SF3B3: variants seen among roughly 807,000 people sequenced by gnomAD.
SF3B3 encodes SAP 130.
A neutral mutation model predicts 139.2 loss-of-function variants in SF3B3; 33 were observed. The observed-to-expected ratio is 0.24, with a 90% CI of 0.18 to 0.32. SF3B3 has a LOEUF of 0.32. SF3B3 is among the 10% of genes least tolerant of loss of function. The pLI, the probability that SF3B3 is intolerant of heterozygous loss-of-function variation, is 1.00. For synonymous variants in SF3B3, 596 were observed against 563.6 expected, an observed-to-expected ratio of 1.06 and a Z score of -0.81; for missense variants, 818 against 1,509.4, an observed-to-expected ratio of 0.54 and a Z score of 7.59.
At chr16:70,525,336 A>T (rs994927947) in intron 1 of SF3B3, among the ~76,000 whole-genome samples, 1 of 152,092 alleles carries the variant, frequency 6.6e-6, no homozygotes, top group African/African-American at 2.4e-5. Context: ...GGCCTCGTAT[A>T]TAGTTTTTCT....
At chr16:70,560,169 A>G (rs1465182580) in intron 15 of SF3B3, among the ~76,000 whole-genome samples, 1 of 152,174 alleles carries the variant, frequency 6.6e-6, no homozygotes, top group Non-Finnish European at 1.5e-5. Flanking sequence ...TTAATTATTT[A>G]TTTGAAATAT....
Position 70,556,496 on chromosome 16 carries a change from C to G in SF3B3, c.1866+162C>G, listed in dbSNP as rs2050380776. ...CTTCTCTTGTCATTGCAGTGTGTTT[C>G]AGGAGTTTCCTGCTGTGGTTTAAGG... On this transcript the variant is annotated intron_variant, in intron 14 of 25. Transcript: ENST00000302516. 3 of 734,034 alleles carry G rather than the reference C, an allele frequency of 4.1e-6. No individual in the cohort carries two copies. In the South Asian group the frequency reaches 5.4e-5, roughly 13 times the overall value. 45.5% of individuals were successfully genotyped at this position (734,034 alleles called of 1,614,324 possible).
intron 14 of SF3B3, 104 bp from the exon 15 acceptor site, chr16:70,556,782 C>A: frequency 2.3e-6 from 3 of 1,310,308 alleles, no homozygotes; most frequent in Non-Finnish European, 3.2e-6. Context: ...TTTTTCTGTG[C>A]ATAAGGAAGT....
intron 8 of SF3B3, among the ~76,000 whole-genome samples, chr16:70,541,238 A>G (rs1240682796): frequency 6.6e-6 from 1 of 152,096 alleles, no homozygotes; most frequent in Non-Finnish European, 1.5e-5. Context: ...CCATTTGTGT[A>G]TCTTTGGAGA....
intron 10 of SF3B3, among the ~76,000 whole-genome samples, chr16:70,545,661 T>A (rs2050261377): frequency 6.6e-6 from 1 of 152,196 alleles, no homozygotes; most frequent in Admixed American, 6.5e-5. Flanking sequence ...TGTAAATTTT[T>A]ATTGGAACAC....
intron 4 of SF3B3, among the ~76,000 whole-genome samples, chr16:70,531,570 G>T (rs978878716): frequency 1.3e-5 from 2 of 152,144 alleles, no homozygotes; most frequent in African/African-American, 2.4e-5. Flanking sequence ...CCTCACCCAG[G>T]CCCAGCCCCT....
rs985887795 is a variant in SF3B3 at position 70,530,990 on chromosome 16, G to A, written c.570+73G>A. On this transcript the variant is annotated intron_variant, in intron 4 of 25. Transcript: ENST00000302516. Reference sequence around the variant, plus strand: ...TTTTTTTTAAGATTGTTTTCCGGCCGGGCGTGGTGGCTCACGCCTGTAATC... The same window carrying A: ...TTTTTTTTAAGATTGTTTTCCGGCCAGGCGTGGTGGCTCACGCCTGTAATC... 7.5e-5 allele frequency: 105 copies of A among 1,398,474 alleles called. 1 individual carries two copies. Among genetic ancestry groups the A allele is most frequent in the South Asian group, 3.5e-4 (26 of 74,060 alleles). The allele number at this position is 1,398,474 out of a possible 1,614,324, so 86.6% of individuals were successfully genotyped here.
At position 70,571,207 on chromosome 16, in the gene SF3B3, G is replaced by A. The variant is rs375386122; in HGVS notation, c.3513+8G>A. 12 of 1,581,738 alleles carry A rather than the reference G, an allele frequency of 7.6e-6. No homozygotes were observed. The highest frequency in any genetic ancestry group is 1.0e-5 in the Non-Finnish European group (12 of 1,150,436). On this transcript the variant is annotated splice_region_variant and intron_variant, in intron 25 of 25. Transcript: ENST00000302516. ...TACTACTTCCCTGTGAAGGTAGGTT[G>A]GGGGAATCTGAGCTGAAAAGGGAGA...
At chr16:70,532,033 C>T (rs529353928) in intron 4 of SF3B3, among the ~76,000 whole-genome samples, 4 of 152,280 alleles carry the variant, frequency 2.6e-5, no homozygotes, top group Non-Finnish European at 4.4e-5. Context: ...CAGTGGCTCA[C>T]GCCTGTAATC....
chr16:70,547,480 T>C (rs2050279613), intron 10 of SF3B3, among the ~76,000 whole-genome samples: 1 of 152,256 alleles, frequency 6.6e-6, no homozygotes. Flanking sequence ...TTTTGTTTAC[T>C]CTTATGTTTG....
intron 4 of SF3B3, among the ~76,000 whole-genome samples, 174 bp downstream of exon 4, chr16:70,531,091 C>T (rs2050116906): frequency 1.3e-5 from 2 of 151,920 alleles, no homozygotes; most frequent in African/African-American, 4.8e-5. Flanking sequence ...ACAGTGAAAC[C>T]CCATCTCTAC....
intron 14 of SF3B3, 151 bp downstream of exon 14, chr16:70,556,485 G>A: frequency 1.3e-6 from 1 of 797,272 alleles, no homozygotes; most frequent in African/African-American, 1.7e-5. Context: ...TCTTGTCATT[G>A]CAGTGTGTTT....
chr16:70,556,066 A>G lies in SF3B3; in HGVS notation c.1711-113A>G. On this transcript the variant is annotated intron_variant, in intron 13 of 25. Transcript: ENST00000302516. ...TAGTAAGAGGAGTGAGAGGAAGCAG[A>G]ACAAAATACAACAGCCCTCCTTCAT... 7 of 1,058,752 alleles carry G rather than the reference A, an allele frequency of 6.6e-6. No homozygotes were observed. The South Asian group carries it at 1.0e-4, about 16-fold the overall frequency. 65.6% of individuals were successfully genotyped at this position (1,058,752 alleles called of 1,614,324 possible). A position where few individuals can be genotyped will look rare whatever the true frequency, so the allele number is the denominator to read the frequency against.
At chr16:70,554,300 T>C in intron 11 of SF3B3, 146 bp from the exon 12 acceptor site, 1 of 679,878 alleles carries the variant, frequency 1.5e-6, no homozygotes, top group Non-Finnish European at 2.5e-6. Flanking sequence ...TTTTGCTCTG[T>C]GTGCATGTGT....
chr16:70,552,545 A>G (rs895371452), intron 11 of SF3B3, among the ~76,000 whole-genome samples: 7 of 152,212 alleles, frequency 4.6e-5, no homozygotes, highest in African/African-American at 1.2e-4. Context: ...GACGTTCCCA[A>G]AGCATTTGAT....
At chr16:70,547,484 A>G (rs541182531) in intron 10 of SF3B3, among the ~76,000 whole-genome samples, 2 of 152,196 alleles carry the variant, frequency 1.3e-5, no homozygotes, top group African/African-American at 2.4e-5. Flanking sequence ...GTTTACTCTT[A>G]TGTTTGAGAA....
At chr16:70,543,483 A>G (rs2050239393) in intron 9 of SF3B3, among the ~76,000 whole-genome samples, 1 of 151,906 alleles carries the variant, frequency 6.6e-6, no homozygotes, top group African/African-American at 2.4e-5. Flanking sequence ...CGAGGCGGGT[A>G]GATGACCTGA....
At chr16:70,555,296 G>A in intron 13 of SF3B3, 90 bp downstream of exon 13, 2 of 1,233,820 alleles carry the variant, frequency 1.6e-6, no homozygotes, top group Non-Finnish European at 2.3e-6. Flanking sequence ...ATGATAGTAT[G>A]GTGAAATCCT....
At chr16:70,527,996 C>G (rs1026403717) in intron 2 of SF3B3, among the ~76,000 whole-genome samples, 1 of 151,958 alleles carries the variant, frequency 6.6e-6, no homozygotes, top group Admixed American at 6.6e-5. Flanking sequence ...AGGCTGATCT[C>G]GAATTCCTGA....
Sources: gnomAD v4.1 joint callset for allele counts (sites outside exome capture counted in the v4.1 genomes callset) on GRCh38, gnomAD v4.1.1 for gene constraint, MANE v1.5 for transcripts, NCBI Gene and HGNC (gene_info 2026-07-23, HGNC 2026-07-21) for gene names.